Variants in NFKB1 observed in about 807,000 individuals in gnomAD.
The protein encoded by NFKB1 is nuclear factor NF-kappa-B p105 subunit.
A neutral mutation model predicts 105.1 loss-of-function variants in NFKB1; 9 were observed. The ratio of observed to expected loss-of-function variants is 0.09; its 90% CI spans 0.05 to 0.15. The LOEUF (loss-of-function observed/expected upper bound fraction) is 0.15, where lower values mean the gene tolerates loss of function less well. Ranked by LOEUF, NFKB1 falls within the 10% of genes least tolerant of loss-of-function variation. The pLI is 1.00. For synonymous variants in NFKB1, 440 were observed against 442.2 expected (o/e 1.00, Z 0.06); for missense variants, 830 against 1,203.7 (o/e 0.69, Z 4.59).
intron 5 of NFKB1, among the ~76,000 whole-genome samples, chr4:102,551,367 T>TGTGTGTGTGTGTGCGC (rs370790173): frequency 3.1e-4 from 46 of 150,204 alleles, no homozygotes; most frequent in African/African-American, 1.1e-3. Flanking sequence ...TGTGTGTGTG[T>TGTGTGTGTGTGTGCGC]GCGCGCGCGC....
At chr4:102,507,306 G>A (rs1338460990) in intron 1 of NFKB1, among the ~76,000 whole-genome samples, 2 of 152,022 alleles carry the variant, frequency 1.3e-5, no homozygotes, top group African/African-American at 4.8e-5. Context: ...CAGCTTCTGG[G>A]CATGAAGAGA....
chr4:102,536,869 C>T (rs1468942109), intron 4 of NFKB1, among the ~76,000 whole-genome samples: 2 of 152,132 alleles, frequency 1.3e-5, no homozygotes, highest in Admixed American at 6.6e-5. Flanking sequence ...TCTGCTTAAG[C>T]GACTATGTGG....
At chr4:102,616,215 GCATTTGGCTAATTCTGA>G (rs1164427676) in intron 23 of NFKB1, among the ~76,000 whole-genome samples, 56 of 152,358 alleles carry the variant, frequency 3.7e-4, no homozygotes, top group Non-Finnish European at 1.5e-5. Flanking sequence ...AGATGTGAAA[GCATTTGGCTAATTCTGA>G]CATTTGGCTA....
chr4:102,575,286 T>C (rs1724725271), intron 6 of NFKB1, among the ~76,000 whole-genome samples: 1 of 152,228 alleles, frequency 6.6e-6, no homozygotes, highest in Non-Finnish European at 1.5e-5. Context: ...GACACGTGAC[T>C]TATTCTGTCT....
chr4:102,611,772 G>C (rs1356260740), intron 20 of NFKB1, among the ~76,000 whole-genome samples: 1 of 152,222 alleles, frequency 6.6e-6, no homozygotes, highest in African/African-American at 2.4e-5. Flanking sequence ...AAAGGCTATA[G>C]CTCTGACTCT....
At chr4:102,551,367 T>TGTTTGTGCGC (rs370790173) in intron 5 of NFKB1, among the ~76,000 whole-genome samples, 1 of 150,204 alleles carries the variant, frequency 6.7e-6, no homozygotes, top group African/African-American at 2.4e-5. Flanking sequence ...TGTGTGTGTG[T>TGTTTGTGCGC]GCGCGCGCGC....
At position 102,513,834 on chromosome 4, in the gene NFKB1, G is replaced by C. The variant is rs374170235; in HGVS notation, c.-7-11678G>C. 3.3e-3 allele frequency among the ~76,000 whole-genome samples: 508 copies of C among 151,956 alleles called. 3 individuals carry two copies. The highest frequency in any genetic ancestry group is 0.012 in the African/African-American group (488 of 41,432). On this transcript the variant is annotated intron_variant, in intron 1 of 23. Coordinates refer to ENST00000226574, the MANE Select transcript of NFKB1 (RefSeq NM_003998.4). ...TTTATTGAGACTTACTTTATGGCTCGGGACGTGGTCTATCTTCGTGAATAT... is the reference window on the plus strand; with the variant it reads ...TTTATTGAGACTTACTTTATGGCTCCGGACGTGGTCTATCTTCGTGAATAT...
At chr4:102,580,091 A>G (rs940279941) in intron 8 of NFKB1, among the ~76,000 whole-genome samples, 1 of 152,212 alleles carries the variant, frequency 6.6e-6, no homozygotes, top group Non-Finnish European at 1.5e-5. Context: ...TTACCTGTAA[A>G]ATAAAAGGTA....
intron 6 of NFKB1, among the ~76,000 whole-genome samples, chr4:102,574,125 CTTTTT>C (rs56977004): frequency 1.3e-3 from 120 of 93,250 alleles, no homozygotes; most frequent in Non-Finnish European, 1.9e-3. Context: ...TCTTGGATTC[CTTTTT>C]TTTTTTTTTT....
chr4:102,552,223 C>G (rs1410744711), intron 5 of NFKB1, among the ~76,000 whole-genome samples: 2 of 152,140 alleles, frequency 1.3e-5, no homozygotes, highest in Non-Finnish European at 2.9e-5. Context: ...AAACTTCATT[C>G]AAATGAGGAG....
chr4:102,561,273 T>G (rs1461047646), intron 5 of NFKB1, among the ~76,000 whole-genome samples: 1,463 of 102,352 alleles, frequency 0.014, 27 homozygotes, highest in African/African-American at 0.06. Context: ...TCCTTTTTTT[T>G]TTTTTTTTTG....
At chr4:102,534,655 C>T (rs1741525435) in intron 4 of NFKB1, among the ~76,000 whole-genome samples, 1 of 152,118 alleles carries the variant, frequency 6.6e-6, no homozygotes, top group African/African-American at 2.4e-5. Flanking sequence ...TGGTGTAGTT[C>T]CCCACAGAAT....
intron 1 of NFKB1, among the ~76,000 whole-genome samples, chr4:102,502,746 G>A (rs892231933): frequency 1.3e-5 from 2 of 152,108 alleles, no homozygotes; most frequent in Non-Finnish European, 2.9e-5. Context: ...CATGTTCATG[G>A]ACTTTGTTAA....
At position 102,596,183 on chromosome 4, in the gene NFKB1, A is replaced by G. The variant is rs1466545002; in HGVS notation, c.1346A>G (p.Lys449Arg). ...ESKKDPEGCD[K>R]SDDKNTVNLF... is the part of the protein sequence containing the mutation. The stretch of plus-strand genomic sequence containing the variant: ...AAAAAGGACCCTGAAGGTTGTGACA[A>G]AAGTGATGACAAAAACACTGTAAAC... Residue 449 changes from lysine (K) to arginine (R), a missense_variant, in exon 14 of 24, where the codon AAA becomes AGA. Transcript: ENST00000226574. 1.2e-6 allele frequency: 2 copies of G among 1,612,594 alleles called. No homozygotes were observed. Among genetic ancestry groups the G allele is most frequent in the Non-Finnish European group, 1.7e-6 (2 of 1,178,882 alleles).
At chr4:102,513,428 A>G (rs1354560391) in intron 1 of NFKB1, among the ~76,000 whole-genome samples, 5 of 152,226 alleles carry the variant, frequency 3.3e-5, no homozygotes, top group Admixed American at 2.0e-4. Context: ...CTTAATTACA[A>G]TATAATTTTA....
chr4:102,587,190 T>G (rs1560698316), intron 11 of NFKB1, among the ~76,000 whole-genome samples: 1 of 152,202 alleles, frequency 6.6e-6, no homozygotes, highest in African/African-American at 2.4e-5. Context: ...TACTTCCCTA[T>G]CAGGAGCTGC....
At chr4:102,576,428 A>G (rs1158524778) in intron 6 of NFKB1, among the ~76,000 whole-genome samples, 1 of 152,228 alleles carries the variant, frequency 6.6e-6, no homozygotes, top group African/African-American at 2.4e-5. Context: ...CTTCCTCATT[A>G]AGACATATAG....
Position 102,599,685 on chromosome 4 carries a change from G to A in NFKB1, c.1638-1210G>A, listed in dbSNP as rs537492092. On this transcript the variant is annotated intron_variant, in intron 15 of 23. Transcript: ENST00000226574. ...TGGGCTTGAATCCCAGCTTCACCAC[G>A]TATTGGCCTTGACTGAGTTATATGA... Among the ~76,000 whole-genome samples the A allele has an allele frequency of 2.0e-5, 3 of 152,266 alleles. No homozygotes were observed. The South Asian group carries it at 6.2e-4, about 32-fold the overall frequency.
intron 5 of NFKB1, chr4:102,557,244 T>C (rs951411621): frequency 6.6e-6 from 1 of 152,234 alleles, no homozygotes; most frequent in Non-Finnish European, 1.5e-5. Flanking sequence ...TCATTTATTT[T>C]GTGGTTTTGA....
Sources: allele counts gnomAD v4.1 joint callset (sites outside exome capture counted in the v4.1 genomes callset), GRCh38; gene constraint gnomAD v4.1.1; transcripts MANE v1.5; gene names NCBI Gene and HGNC (gene_info 2026-07-23, HGNC 2026-07-21).